TAB2: variants seen among roughly 807,000 people sequenced by gnomAD.
TAB2 encodes the protein TGF-beta activated kinase 1 (MAP3K7) binding protein 2.
A neutral mutation model predicts 65.0 loss-of-function variants in TAB2; 3 were observed. That is an observed-to-expected ratio of 0.05 (90% CI 0.02 to 0.12). The LOEUF (loss-of-function observed/expected upper bound fraction) is 0.12. Among genes scored for constraint, TAB2 ranks in the 10% least tolerant of loss-of-function variants. The pLI is 1.00. For missense variants in TAB2, 623 were observed against 840.3 expected, an observed-to-expected ratio of 0.74 and a Z score of 3.20; for synonymous variants, 298 against 285.1, an observed-to-expected ratio of 1.05 and a Z score of -0.46.
At chr6:149,406,135 CATA>C in intron 6 of TAB2, among the ~76,000 whole-genome samples, 1 of 152,290 alleles carries the variant, frequency 6.6e-6, no homozygotes, top group East Asian at 1.9e-4. Flanking sequence ...GGTCAGCACT[CATA>C]GTGTTACATC....
chr6:149,284,233 C>T (rs986253869), intron 1 of TAB2, among the ~76,000 whole-genome samples: 11 of 152,100 alleles, frequency 7.2e-5, no homozygotes, highest in Admixed American at 7.2e-4. Flanking sequence ...TGCTTTGTCC[C>T]CCACATACCC....
At chr6:149,360,411 T>C (rs937971213) in intron 1 of TAB2, among the ~76,000 whole-genome samples, 3 of 152,198 alleles carry the variant, frequency 2.0e-5, no homozygotes, top group African/African-American at 4.8e-5. Context: ...GTGTGTCACA[T>C]GGCAAGAGCG....
intron 1 of TAB2, among the ~76,000 whole-genome samples, chr6:149,226,821 A>G (rs1266589142): frequency 6.6e-6 from 1 of 152,264 alleles, no homozygotes; most frequent in Non-Finnish European, 1.5e-5. Flanking sequence ...TTAGAAAAGC[A>G]ACATTCCAAA....
intron 1 of TAB2, among the ~76,000 whole-genome samples, chr6:149,270,837 T>C (rs1778348065): frequency 6.6e-6 from 1 of 152,098 alleles, no homozygotes; most frequent in Non-Finnish European, 1.5e-5. Context: ...CTAGAGGAAG[T>C]GTATCACATA....
At chr6:149,278,858 C>A (rs1778523143) in intron 1 of TAB2, among the ~76,000 whole-genome samples, 1 of 152,044 alleles carries the variant, frequency 6.6e-6, no homozygotes, top group South Asian at 2.1e-4. Flanking sequence ...GCGGGAGGAT[C>A]ACTTGAGCCC....
rs1170705031 is a variant in TAB2, at chr6:149,253,617, C to CAAAAAA, written c.-121+34857_-121+34862dup. ...CCTGGGTGACAGAGCAAGACTGTCTCAAAAAAAAAAAAAAAAAAAAAGAAA... is the reference window on the plus strand; with the variant it reads ...CCTGGGTGACAGAGCAAGACTGTCTCAAAAAAAAAAAAAAAAAAAAAAAAAAAGAAA... On this transcript the variant is annotated intron_variant, in intron 1 of 1. Coordinates refer to the TAB2 transcript ENST00000606202. 1.8e-3 allele frequency among the ~76,000 whole-genome samples: 116 copies of CAAAAAA among 64,616 alleles called. 1 individual carries two copies. The highest frequency in any genetic ancestry group is 2.4e-3 in the Non-Finnish European group (87 of 36,502). The allele number at this position is 64,616 out of a possible 152,430, so 42.4% of individuals were successfully genotyped here.
At position 149,379,025 on chromosome 6, in the gene TAB2, T is replaced by C. The variant is rs1241417854; in HGVS notation, c.1110T>C (p.Ala370=). The C allele has an allele frequency of 1.2e-6, 2 of 1,614,202 alleles. No homozygotes were observed. The change falls in exon 3 of 7, where the codon GCT becomes GCC. Residue 370 remains alanine, a synonymous_variant. Transcript: ENST00000637181. ...GAAATCAGCCCACTGTTTACATAGC[T>C]GCCAGCCCCCCAAATACGGATGAGC... ...LNRNQPTVYI[A]ASPPNTDELM...
intron 1 of TAB2, among the ~76,000 whole-genome samples, chr6:149,249,182 A>G (rs956764555): frequency 1.4e-4 from 22 of 151,754 alleles, no homozygotes; most frequent in Admixed American, 3.9e-4. Flanking sequence ...ACACACACAC[A>G]CACAGACACC....
intron 1 of TAB2, among the ~76,000 whole-genome samples, chr6:149,280,946 A>C (rs1382045176): frequency 2.0e-5 from 3 of 151,946 alleles, no homozygotes; most frequent in Admixed American, 6.6e-5. Context: ...AAAAAAAAAA[A>C]AAAAGAAGTT....
rs537140388 is a variant in TAB2 at position 149,384,403 on chromosome 6, A to C, written c.1603+4885A>C. ...AGCAAAAGAAGTAAATTAATGAAAC[A>C]TCAAGACCCCACTCATCTCAGCACT... On this transcript the variant is annotated intron_variant, in intron 3 of 6. Coordinates refer to ENST00000637181, the MANE Select transcript of TAB2 (RefSeq NM_001292034.3). Among the ~76,000 whole-genome samples, 4 of 152,320 alleles carry C rather than the reference A, an allele frequency of 2.6e-5. No individual in the cohort carries two copies. In the East Asian group the frequency reaches 5.8e-4, roughly 22 times the overall value.
At chr6:149,336,960 T>C (rs893299886) in intron 1 of TAB2, among the ~76,000 whole-genome samples, 1 of 152,124 alleles carries the variant, frequency 6.6e-6, no homozygotes, top group Non-Finnish European at 1.5e-5. Context: ...TTTTATGAAC[T>C]TTGAACTGAA....
intron 1 of TAB2, among the ~76,000 whole-genome samples, chr6:149,272,005 C>T (rs1297808900): frequency 6.6e-6 from 1 of 152,062 alleles, no homozygotes; most frequent in Admixed American, 6.5e-5. Flanking sequence ...CCCCCAACCC[C>T]CCAAAGACTG....
At position 149,403,337 on chromosome 6, in the gene TAB2, TATACAC is replaced by T. The variant is rs1251903778; in HGVS notation, c.1939+4155_1939+4160del. Among the ~76,000 whole-genome samples, 13 of 51,498 alleles carry T rather than the reference TATACAC, an allele frequency of 2.5e-4. No homozygotes were observed. In the East Asian group the frequency reaches 3.6e-3, roughly 14 times the overall value. The allele number at this position is 51,498 out of a possible 152,430, so 33.8% of individuals were successfully genotyped here. ...ATACACACACATATATATACATATA[TATACAC>T]ACACACACACACACACACACACACA... is the stretch of plus-strand genomic sequence containing the variant. On this transcript the variant is annotated intron_variant, in intron 6 of 6. Transcript: ENST00000637181.
chr6:149,379,806 C>G lies in TAB2; in HGVS notation c.1603+288C>G, dbSNP rs9498342. 102,243 of 439,488 alleles carry G rather than the reference C, an allele frequency of 0.23. 12,561 individuals carry two copies. The highest frequency in any genetic ancestry group is 0.25 in the Non-Finnish European group (56,724 of 222,684). The allele number at this position is 439,488 out of a possible 1,614,324, so 27.2% of individuals were successfully genotyped here. ...TTATAACACTTTCTTTTCAGTTAAT[C>G]TTATACCTGTGGTGATGCTGACTTT... On this transcript the variant is annotated intron_variant, in intron 3 of 6. Transcript: ENST00000637181.
At chr6:149,259,512 C>T (rs999835381) in intron 1 of TAB2, among the ~76,000 whole-genome samples, 2 of 152,158 alleles carry the variant, frequency 1.3e-5, no homozygotes, top group African/African-American at 2.4e-5. Context: ...TCCACATCAC[C>T]TAATTTAAAT....
chr6:149,319,948 T>C (rs898151136), intron 1 of TAB2, among the ~76,000 whole-genome samples: 2 of 152,146 alleles, frequency 1.3e-5, no homozygotes, highest in Non-Finnish European at 2.9e-5. Context: ...TTTTGAAAAA[T>C]AAATTTTAAC....
intron 3 of TAB2, among the ~76,000 whole-genome samples, chr6:149,386,328 T>C (rs895793988): frequency 6.6e-6 from 1 of 152,212 alleles, no homozygotes; most frequent in African/African-American, 2.4e-5. Flanking sequence ...TGCAGTTGAC[T>C]TATAGTATAC....
chr6:149,218,305 G>A (rs542208628), upstream of TAB2, among the ~76,000 whole-genome samples: 6 of 152,140 alleles, frequency 3.9e-5, no homozygotes, highest in African/African-American at 1.2e-4. Context: ...CTTGCAGAAG[G>A]CCAAAAGAAC....
At chr6:149,267,831 G>A (rs1177869436) in intron 1 of TAB2, among the ~76,000 whole-genome samples, 1 of 152,018 alleles carries the variant, frequency 6.6e-6, no homozygotes, top group Non-Finnish European at 1.5e-5. Context: ...GTAAATATTT[G>A]TCTACCTAAG....
Sources: allele counts gnomAD v4.1 joint callset (sites outside exome capture counted in the v4.1 genomes callset), GRCh38; gene constraint gnomAD v4.1.1; transcripts MANE v1.5; gene names NCBI Gene and HGNC (gene_info 2026-07-23, HGNC 2026-07-21).